The following HNRNPUL2 variants were observed in gnomAD, a reference collection of about 807,000 sequenced individuals.
HNRNPUL2 encodes the protein heterogeneous nuclear ribonucleoprotein U-like protein 2.
Under a neutral mutation model 102.2 loss-of-function variants are expected in HNRNPUL2, and 27 were observed. That is an observed-to-expected ratio of 0.26 (90% CI 0.19 to 0.36). The LOEUF (loss-of-function observed/expected upper bound fraction) is 0.36, where lower values mean the gene tolerates loss of function less well. Among genes scored for constraint, HNRNPUL2 ranks in the 10% least tolerant of loss-of-function variants. The pLI is 1.00. For synonymous variants in HNRNPUL2, 458 were observed against 387.2 expected (o/e 1.18, Z -2.15); for missense variants, 936 against 981.1 (o/e 0.95, Z 0.61).
chr11:62,718,290 A>G (rs538411639), intron 10 of HNRNPUL2, among the ~76,000 whole-genome samples: 1 of 152,334 alleles, frequency 6.6e-6, no homozygotes, highest in South Asian at 2.1e-4. Context: ...TATGTATTGC[A>G]TTACAGACTT....
At position 62,722,328 on chromosome 11, in the gene HNRNPUL2, A is replaced by C; in HGVS notation, c.1148T>G (p.Leu383Arg). ...CTTGCTGATCCAGAATGCCACACCT[A>C]GGTCTTCTCCATTCTTGGAGAAGGA... is the stretch of plus-strand genomic sequence containing the variant. Reference protein sequence around the residue: ...ELSFSKNGEDLGVAFWISKDS... With the variant: ...ELSFSKNGEDRGVAFWISKDS... The change falls in exon 7 of 14, where the codon CTA (leucine) becomes CGA (arginine). Residue 383 changes from leucine (L) to arginine (R), a missense_variant. This residue lies in a region of HNRNPUL2 where 609 missense variants were observed against 713.0 expected (regional missense o/e 0.85). Coordinates refer to ENST00000301785, the MANE Select transcript of HNRNPUL2 (RefSeq NM_001079559.3). 6.2e-7 allele frequency: 1 copy of C among 1,613,892 alleles called. No homozygotes were observed. Among genetic ancestry groups the C allele is most frequent in the Non-Finnish European group, 8.5e-7 (1 of 1,179,762 alleles).
intron 1 of HNRNPUL2, among the ~76,000 whole-genome samples, chr11:62,725,804 T>A (rs2083741017): frequency 2.6e-5 from 4 of 152,140 alleles, no homozygotes; most frequent in Non-Finnish European, 5.9e-5. Context: ...CTGGGGCGAT[T>A]CTACAACACA....
intron 6 of HNRNPUL2, 101 bp downstream of exon 6, chr11:62,722,500 A>G: frequency 1.4e-6 from 2 of 1,414,058 alleles, no homozygotes; most frequent in Non-Finnish European, 2.0e-6. Flanking sequence ...AGCCACACAC[A>G]TCACATGCAT....
chr11:62,721,585 G>A (rs1240575358), intron 8 of HNRNPUL2, among the ~76,000 whole-genome samples, 162 bp from the exon 9 acceptor site: 1 of 152,062 alleles, frequency 6.6e-6, no homozygotes, highest in Non-Finnish European at 1.5e-5. Context: ...ATTTCCTGCA[G>A]TAGTCATTTC....
chr11:62,717,180 G>C lies in HNRNPUL2; in HGVS notation c.1790C>G (p.Ser597Cys). ...SIMLEMKANFSLPEKCDYMDE... is the reference protein window; with the variant it reads ...SIMLEMKANFCLPEKCDYMDE... ...CATATAGTCGCATTTTTCAGGCAAAGAGAAGTTGGCTATAAGAGTAAGAGA... is the reference window on the plus strand; with the variant it reads ...CATATAGTCGCATTTTTCAGGCAAACAGAAGTTGGCTATAAGAGTAAGAGA... Residue 597 changes from serine (S) to cysteine (C), a missense_variant, in exon 11 of 14, where the codon TCT becomes TGT. Ser to Cys is a moderately radical substitution (Grantham distance 112). This residue lies in a region of HNRNPUL2 where 609 missense variants were observed against 713.0 expected (regional missense o/e 0.85). Coordinates refer to ENST00000301785, the MANE Select transcript of HNRNPUL2 (RefSeq NM_001079559.3). 6.2e-7 allele frequency: 1 copy of C among 1,613,810 alleles called. No individual in the cohort carries two copies. Among genetic ancestry groups the C allele is most frequent in the South Asian group, 1.1e-5 (1 of 91,060 alleles).
At chr11:62,720,271 C>T (rs1328246034) in intron 9 of HNRNPUL2, 80 bp from the exon 10 acceptor site, 3 of 1,334,588 alleles carry the variant, frequency 2.2e-6, no homozygotes, top group Admixed American at 1.7e-5. Flanking sequence ...ATCAGCTGGG[C>T]ACGGTGGCTC....
intron 2 of HNRNPUL2, 52 bp from the exon 3 acceptor site, chr11:62,724,042 T>G (rs976249797): frequency 2.1e-6 from 3 of 1,424,350 alleles, no homozygotes. Flanking sequence ...CCCTCTTCTT[T>G]GAGGGGTGTG....
At chr11:62,726,542 C>A (rs944346718) in intron 1 of HNRNPUL2, 77 bp downstream of exon 1, 1 of 1,375,420 alleles carries the variant, frequency 7.3e-7, no homozygotes. Flanking sequence ...GGACTCGGAC[C>A]CTGCGGTGCA....
chr11:62,721,242 C>CAAA, intron 9 of HNRNPUL2, 53 bp downstream of exon 9: 1 of 1,509,614 alleles, frequency 6.6e-7, no homozygotes, highest in Non-Finnish European at 9.0e-7. Flanking sequence ...AATTCAGTCT[C>CAAA]TCTTTATATA....
chr11:62,723,534 C>G (rs1190940950), intron 4 of HNRNPUL2, 53 bp downstream of exon 4: 6 of 1,503,298 alleles, frequency 4.0e-6, no homozygotes, highest in African/African-American at 1.4e-5. Context: ...CTCTAAGAAC[C>G]GTAAGCATCC....
At position 62,713,763 on chromosome 11, in the gene HNRNPUL2, G is replaced by C. The variant is rs1174721334; in HGVS notation, c.*1536C>G. The C allele has an allele frequency of 1.3e-5, 2 of 152,276 alleles. No individual in the cohort carries two copies. Among genetic ancestry groups the C allele is most frequent in the Admixed American group, 6.5e-5 (1 of 15,284 alleles). The allele number at this position is 152,276 out of a possible 1,614,324, so 9.4% of individuals were successfully genotyped here. A position where few individuals can be genotyped will look rare whatever the true frequency, so the allele number is the denominator to read the frequency against. On this transcript the variant is annotated 3_prime_UTR_variant, in exon 14 of 14. Coordinates refer to ENST00000301785, the MANE Select transcript of HNRNPUL2 (RefSeq NM_001079559.3). ...AAGTGAAGCATTTTCTAGTGGCACA[G>C]ATTTTCTCACTAGGAACTGCTGCAG...
chr11:62,715,804 C>T (rs564517044), intron 12 of HNRNPUL2, 60 bp downstream of exon 12: 6 of 1,505,202 alleles, frequency 4.0e-6, no homozygotes, highest in Non-Finnish European at 5.5e-6. Context: ...TCTGCTCCCC[C>T]AAGCCAACAG....
Position 62,722,318 on chromosome 11 carries a change from T to C in HNRNPUL2, c.1158A>G (p.Ala386=). 1 of 1,614,066 alleles carries C rather than the reference T, an allele frequency of 6.2e-7. No homozygotes were observed. Among genetic ancestry groups the C allele is most frequent in the Non-Finnish European group, 8.5e-7 (1 of 1,179,888 alleles). The change falls in exon 7 of 14, where the codon GCA becomes GCG. Residue 386 remains alanine, a synonymous_variant. Coordinates refer to ENST00000301785, the MANE Select transcript of HNRNPUL2 (RefSeq NM_001079559.3). The stretch of plus-strand genomic sequence containing the variant: ...CCAGGGAATCCTTGCTGATCCAGAA[T>C]GCCACACCTAGGTCTTCTCCATTCT... The part of the protein sequence containing the change: ...FSKNGEDLGV[A]FWISKDSLAD...
At chr11:62,721,445 G>GGAAA in intron 8 of HNRNPUL2, 22 bp from the exon 9 acceptor site, 1 of 1,067,182 alleles carries the variant, frequency 9.4e-7, no homozygotes, top group Non-Finnish European at 1.2e-6. Context: ...GAGAGGAAGT[G>GGAAA]AAAAAAAAAA....
chr11:62,724,207 C>T, intron 2 of HNRNPUL2, 84 bp downstream of exon 2: 1 of 1,548,656 alleles, frequency 6.5e-7, no homozygotes, highest in Non-Finnish European at 8.9e-7. Flanking sequence ...TGAATCCACC[C>T]TCCTTCCAGT....
chr11:62,724,499 C>T (rs1474385929), intron 1 of HNRNPUL2, 73 bp from the exon 2 acceptor site: 4 of 1,522,842 alleles, frequency 2.6e-6, no homozygotes, highest in Non-Finnish European at 3.6e-6. Context: ...CTAATAGACA[C>T]TAACAGGGAA....
At chr11:62,722,488 C>A in intron 6 of HNRNPUL2, 108 bp from the exon 7 acceptor site, 1 of 1,449,864 alleles carries the variant, frequency 6.9e-7, no homozygotes, top group Admixed American at 1.8e-5. Flanking sequence ...AGTAACTAAG[C>A]GAGCCACACA....
chr11:62,716,932 T>C, intron 11 of HNRNPUL2, 57 bp downstream of exon 11: 1 of 1,587,940 alleles, frequency 6.3e-7, no homozygotes, highest in Non-Finnish European at 8.6e-7. Flanking sequence ...CACATCTTGC[T>C]GTACTAAGCA....
chr11:62,718,807 G>A (rs2083679373), intron 10 of HNRNPUL2, among the ~76,000 whole-genome samples: 1 of 150,466 alleles, frequency 6.6e-6, no homozygotes, highest in Non-Finnish European at 1.5e-5. Context: ...GATCCTTTGA[G>A]TTTAAATTAC....
Sources: allele counts gnomAD v4.1 joint callset (sites outside exome capture counted in the v4.1 genomes callset), GRCh38; gene constraint gnomAD v4.1.1; regional missense constraint gnomAD v4.1.1; transcripts MANE v1.5; gene names NCBI Gene and HGNC (gene_info 2026-07-23, HGNC 2026-07-21).